TBC1D22A: variants seen among roughly 807,000 people sequenced by gnomAD.
The protein encoded by TBC1D22A is TBC1 domain family member 22A.
TBC1D22A carries 38 observed loss-of-function variants against 60.2 expected under a neutral mutation model. That is an observed-to-expected ratio of 0.63 (90% CI 0.49 to 0.83). The LOEUF (loss-of-function observed/expected upper bound fraction) is 0.83. Ranked by LOEUF, TBC1D22A falls within the 40% of genes least tolerant of loss-of-function variation. The pLI is 0.00. For synonymous variants in TBC1D22A, 302 were observed against 281.7 expected (o/e 1.07, Z -0.72); for missense variants, 628 against 701.0 (o/e 0.90, Z 1.18).
chr22:47,156,827 C>A (rs1027215300), intron 12 of TBC1D22A, among the ~76,000 whole-genome samples: 4 of 152,196 alleles, frequency 2.6e-5, no homozygotes, highest in Non-Finnish European at 5.9e-5. Context: ...GCCACTGCTG[C>A]CCGCGCCGAC....
intron 1 of TBC1D22A, chr22:46,773,942 T>C: frequency 1.0e-6 from 1 of 985,478 alleles, no homozygotes. Context: ...TCTGTGCCCT[T>C]ACCCATCACA....
Position 47,174,286 on chromosome 22 carries a change from G to A in TBC1D22A, c.*660G>A, listed in dbSNP as rs2068597793. On this transcript the variant is annotated 3_prime_UTR_variant, in exon 13 of 13. Transcript: ENST00000337137. ...CGTGGGACCAAAGGCTGGGAGCAGA[G>A]GGAGGCCTCGCCATCGCCTTACTTT... 1 of 152,442 alleles carries A rather than the reference G, an allele frequency of 6.6e-6. No homozygotes were observed. Among genetic ancestry groups the A allele is most frequent in the Admixed American group, 6.5e-5 (1 of 15,298 alleles). 9.4% of individuals were successfully genotyped at this position (152,442 alleles called of 1,614,324 possible). A position where few individuals can be genotyped will look rare whatever the true frequency, so the allele number is the denominator to read the frequency against.
chr22:46,987,307 C>T (rs1355019163), intron 9 of TBC1D22A, among the ~76,000 whole-genome samples: 1 of 152,056 alleles, frequency 6.6e-6, no homozygotes, highest in African/African-American at 2.4e-5. Context: ...AGAATGTGGC[C>T]ACTTTTGGAA....
intron 3 of TBC1D22A, among the ~76,000 whole-genome samples, chr22:46,795,505 A>G (rs1034281208): frequency 2.0e-5 from 3 of 152,340 alleles, no homozygotes; most frequent in Non-Finnish European, 4.4e-5. Context: ...TGGAAGAGCC[A>G]AGCAAAGGAT....
intron 8 of TBC1D22A, among the ~76,000 whole-genome samples, chr22:46,957,534 GC>G (rs2073266797): frequency 6.6e-6 from 1 of 152,206 alleles, no homozygotes; most frequent in Non-Finnish European, 1.5e-5. Flanking sequence ...GGGGGAGACT[GC>G]CCCCCGATTC....
At chr22:46,970,424 C>A (rs1282426904) in intron 8 of TBC1D22A, among the ~76,000 whole-genome samples, 1 of 152,172 alleles carries the variant, frequency 6.6e-6, no homozygotes, top group Non-Finnish European at 1.5e-5. Flanking sequence ...TGTGATCTTA[C>A]CTGAAAAATC....
intron 4 of TBC1D22A, among the ~76,000 whole-genome samples, chr22:46,843,430 G>A (rs1415813164): frequency 2.0e-5 from 3 of 152,018 alleles, no homozygotes; most frequent in African/African-American, 7.3e-5. Flanking sequence ...ATTGAGACTC[G>A]GCTTTATTCT....
chr22:47,004,047 CTATA>C (rs1321771012), intron 10 of TBC1D22A, among the ~76,000 whole-genome samples: 1 of 147,146 alleles, frequency 6.8e-6, no homozygotes, highest in East Asian at 2.1e-4. Context: ...AGATGCACCC[CTATA>C]TACACACACC....
intron 7 of TBC1D22A, among the ~76,000 whole-genome samples, chr22:46,902,533 A>G (rs2069073482): frequency 6.6e-6 from 1 of 152,160 alleles, no homozygotes; most frequent in Non-Finnish European, 1.5e-5. Context: ...TCCTTCCTTT[A>G]TTGCCCTTTG....
chr22:47,118,409 A>G (rs1384710644), intron 12 of TBC1D22A, among the ~76,000 whole-genome samples: 1 of 152,256 alleles, frequency 6.6e-6, no homozygotes, highest in Admixed American at 6.5e-5. Flanking sequence ...ACCCCCTTCA[A>G]AATAATGTGG....
intron 8 of TBC1D22A, chr22:46,916,075 A>G (rs1461923427): frequency 7.6e-6 from 3 of 393,328 alleles, no homozygotes; most frequent in African/African-American, 4.2e-5. Flanking sequence ...AGTGAATTGT[A>G]TTGCAACCCC....
Position 46,878,672 on chromosome 22 carries a change from C to T in TBC1D22A, c.657C>T (p.Ser219=). The stretch of plus-strand genomic sequence containing the variant: ...CAACAGAGGAATTACGGAGGTTGAG[C>T]TGGTCCGGAATCCCTAAGCCAGTGC... ...NTDLEELRRL[S]WSGIPKPVRP... Residue 219 remains serine, a synonymous_variant, in exon 5 of 13, where the codon AGC becomes AGT. Coordinates refer to ENST00000337137, the MANE Select transcript of TBC1D22A (RefSeq NM_014346.5). The T allele has an allele frequency of 3.1e-6, 5 of 1,613,252 alleles. No homozygotes were observed. Among genetic ancestry groups the T allele is most frequent in the Non-Finnish European group, 4.2e-6 (5 of 1,179,860 alleles).
At chr22:46,927,069 T>G (rs1300762529) in intron 8 of TBC1D22A, among the ~76,000 whole-genome samples, 1 of 152,130 alleles carries the variant, frequency 6.6e-6, no homozygotes, top group Non-Finnish European at 1.5e-5. Context: ...TTTCAAAAAA[T>G]AGAAGAGGAG....
chr22:46,999,173 G>T (rs936285559), intron 10 of TBC1D22A, among the ~76,000 whole-genome samples: 11 of 152,198 alleles, frequency 7.2e-5, no homozygotes, highest in African/African-American at 2.2e-4. Flanking sequence ...GGAAATACTT[G>T]AATTGATTTT....
At chr22:46,903,477 C>T (rs972137140) in intron 7 of TBC1D22A, among the ~76,000 whole-genome samples, 17 of 152,204 alleles carry the variant, frequency 1.1e-4, no homozygotes, top group Admixed American at 5.2e-4. Context: ...GGGGACCTGT[C>T]GGCTCTTCCT....
intron 8 of TBC1D22A, among the ~76,000 whole-genome samples, chr22:46,949,111 C>T (rs920337595): frequency 6.6e-6 from 1 of 152,150 alleles, no homozygotes; most frequent in African/African-American, 2.4e-5. Context: ...AATTTGGGCT[C>T]CTAAAAGAGT....
intron 9 of TBC1D22A, among the ~76,000 whole-genome samples, chr22:46,994,204 A>T (rs76324282): frequency 0.035 from 5,365 of 152,328 alleles, 149 homozygotes; most frequent in South Asian, 0.087. Flanking sequence ...AAACTGTGCC[A>T]GATGGAGGCA....
chr22:47,111,740 G>C, intron 12 of TBC1D22A, 137 bp downstream of exon 12: 1 of 756,072 alleles, frequency 1.3e-6, no homozygotes, highest in Non-Finnish European at 2.1e-6. Context: ...ACCTCCTGCT[G>C]GTTGAAAGCT....
At chr22:46,868,871 A>G (rs1200208731) in intron 4 of TBC1D22A, among the ~76,000 whole-genome samples, 1 of 152,028 alleles carries the variant, frequency 6.6e-6, no homozygotes, top group Non-Finnish European at 1.5e-5. Context: ...TGTCACGTAT[A>G]ACTTGTTTTA....
Sources: allele counts gnomAD v4.1 joint callset (sites outside exome capture counted in the v4.1 genomes callset), GRCh38; gene constraint gnomAD v4.1.1; transcripts MANE v1.5; gene names NCBI Gene and HGNC (gene_info 2026-07-23, HGNC 2026-07-21).